Variants in FAM117A observed in about 807,000 individuals in gnomAD.
The protein encoded by FAM117A is protein FAM117A.
Under a neutral mutation model 44.1 loss-of-function variants are expected in FAM117A, and 21 were observed. The ratio of observed to expected loss-of-function variants is 0.48; its 90% CI spans 0.34 to 0.69. FAM117A has a LOEUF of 0.69. Ranked by LOEUF, FAM117A falls within the 30% of genes least tolerant of loss-of-function variation. The probability of loss-of-function intolerance (pLI) is 0.01; values close to 1 mark genes in which losing one functional copy is unlikely to be tolerated. For synonymous variants in FAM117A, 220 were observed against 238.3 expected, an observed-to-expected ratio of 0.92 and a Z score of 0.71; for missense variants, 498 against 589.9, an observed-to-expected ratio of 0.84 and a Z score of 1.61.
At chr17:49,764,264 T>G, upstream of FAM117A, 1 of 364,548 alleles carries the variant, frequency 2.7e-6, no homozygotes. Flanking sequence ...AGCCTTCCCT[T>G]TCCTGAGGAT....
intron 1 of FAM117A, among the ~76,000 whole-genome samples, chr17:49,780,831 G>GTTCTGCCTTTTCT (rs1163646466): frequency 6.6e-6 from 1 of 152,088 alleles, no homozygotes; most frequent in Non-Finnish European, 1.5e-5. Context: ...TGAAGCAAAC[G>GTTCTGCCTTTTCT]TTCTGCCTTT....
intron 1 of FAM117A, among the ~76,000 whole-genome samples, chr17:49,751,428 A>T (rs2073676932): frequency 6.6e-6 from 1 of 151,710 alleles, no homozygotes; most frequent in African/African-American, 2.4e-5. Flanking sequence ...AGAAATACAA[A>T]AATTAGCTGG....
rs374256126 is a variant in FAM117A, at chr17:49,711,450, G to A, written c.1167C>T (p.Pro389=). 30 of 1,613,920 alleles carry A rather than the reference G, an allele frequency of 1.9e-5. No homozygotes were observed. The African/African-American group carries it at 3.3e-4, about 18-fold the overall frequency. The change falls in exon 8 of 8, where the codon CCC becomes CCT. Residue 389 remains proline (P), a synonymous_variant. Coordinates refer to ENST00000240364, the MANE Select transcript of FAM117A (RefSeq NM_030802.4). ...SAFCPVNLMK[P]LFPGMGFIFR... ...AGATGAAGCCCATGCCGGGGAAGAG[G>A]GGCTTCATCAGGTTGACGGGGCAGA...
intron 7 of FAM117A, among the ~76,000 whole-genome samples, chr17:49,712,023 G>A (rs114349233): frequency 0.02 from 3,118 of 152,312 alleles, 77 homozygotes; most frequent in East Asian, 0.06. Flanking sequence ...GCATGCTCCT[G>A]TAATCCTAGC....
intron 2 of FAM117A, among the ~76,000 whole-genome samples, chr17:49,731,137 GGT>G (rs1477405358): frequency 2.0e-5 from 3 of 152,200 alleles, no homozygotes; most frequent in Non-Finnish European, 4.4e-5. Flanking sequence ...GACATGATGT[GGT>G]CAGAAGAGGT....
At chr17:49,719,718 G>A in intron 5 of FAM117A, 42 bp downstream of exon 5, 1 of 1,510,500 alleles carries the variant, frequency 6.6e-7, no homozygotes, top group Non-Finnish European at 8.8e-7. Flanking sequence ...GGCCAAGTGA[G>A]GCACGGACTG....
intron 3 of FAM117A, among the ~76,000 whole-genome samples, chr17:49,721,229 T>C (rs2073532800): frequency 6.6e-6 from 1 of 152,202 alleles, no homozygotes; most frequent in Admixed American, 6.5e-5. Context: ...CAGATTATCA[T>C]CAACAGTTTT....
At chr17:49,747,951 C>T (rs1255586530) in intron 1 of FAM117A, among the ~76,000 whole-genome samples, 1 of 152,158 alleles carries the variant, frequency 6.6e-6, no homozygotes, top group Non-Finnish European at 1.5e-5. Context: ...GATTAGATGG[C>T]CCTTCCAGAA....
At chr17:49,721,055 G>A (rs995689850) in intron 3 of FAM117A, among the ~76,000 whole-genome samples, 1 of 152,128 alleles carries the variant, frequency 6.6e-6, no homozygotes, top group Non-Finnish European at 1.5e-5. Context: ...GTTTCTGAAT[G>A]CTAAGGACAT....
intron 1 of FAM117A, among the ~76,000 whole-genome samples, chr17:49,733,665 T>A (rs928980855): frequency 1.3e-5 from 2 of 152,062 alleles, no homozygotes; most frequent in African/African-American, 2.4e-5. Flanking sequence ...AGAGGAAGAC[T>A]CTGTCTCAAA....
Position 49,719,751 on chromosome 17 carries a change from G to A in FAM117A, c.708+9C>T, listed in dbSNP as rs199630851. 1.3e-5 allele frequency: 20 copies of A among 1,558,522 alleles called. No individual in the cohort carries two copies. Among genetic ancestry groups the A allele is most frequent in the Middle Eastern group, 1.7e-4 (1 of 5,810 alleles). ...CTGTGGGTGCACTCAGGGTGCAGCC[G>A]CCACTCACCCTCAGCAGCTCCTCTT... On this transcript the variant is annotated intron_variant, in intron 5 of 7. Coordinates refer to ENST00000240364, the MANE Select transcript of FAM117A (RefSeq NM_030802.4).
intron 1 of FAM117A, among the ~76,000 whole-genome samples, chr17:49,781,854 G>T (rs936449169): frequency 5.3e-5 from 8 of 152,112 alleles, no homozygotes; most frequent in Non-Finnish European, 1.2e-4. Flanking sequence ...GCATGTGCCT[G>T]TAGTCACAGC....
chr17:49,751,211 C>T (rs986280211), intron 1 of FAM117A, among the ~76,000 whole-genome samples: 1 of 140,708 alleles, frequency 7.1e-6, no homozygotes, highest in African/African-American at 2.7e-5. Flanking sequence ...ACCCAGGAGG[C>T]GGAAGTTGCA....
intron 1 of FAM117A, among the ~76,000 whole-genome samples, chr17:49,746,907 G>GTA (rs550576119): frequency 2.4e-4 from 36 of 152,264 alleles, no homozygotes; most frequent in African/African-American, 8.2e-4. Context: ...ATAAAAGGTT[G>GTA]AATGAGGGTG....
At chr17:49,783,716 C>G (rs1271357588) in intron 1 of FAM117A, among the ~76,000 whole-genome samples, 1 of 152,202 alleles carries the variant, frequency 6.6e-6, no homozygotes, top group Non-Finnish European at 1.5e-5. Flanking sequence ...ACGGTCACAT[C>G]AGCAACCTCT....
chr17:49,737,796 C>G (rs1196902432), intron 1 of FAM117A, among the ~76,000 whole-genome samples: 1 of 152,228 alleles, frequency 6.6e-6, no homozygotes, highest in East Asian at 1.9e-4. Context: ...AGCTTAGTCT[C>G]TGATTAGACT....
intron 1 of FAM117A, among the ~76,000 whole-genome samples, chr17:49,747,609 C>T (rs879095531): frequency 3.9e-5 from 6 of 152,160 alleles, no homozygotes; most frequent in Admixed American, 2.6e-4. Flanking sequence ...CCATCTCAAC[C>T]CACTTGCAGA....
At chr17:49,782,376 C>CAAAAAA (rs1193854249) in intron 1 of FAM117A, among the ~76,000 whole-genome samples, 5 of 18,110 alleles carry the variant, frequency 2.8e-4, no homozygotes, top group East Asian at 1.5e-3. Flanking sequence ...GACTCCGTCT[C>CAAAAAA]AAAAAAAAAA....
chr17:49,730,735 C>T (rs1196943478), intron 2 of FAM117A, among the ~76,000 whole-genome samples: 2 of 152,196 alleles, frequency 1.3e-5, no homozygotes, highest in Non-Finnish European at 2.9e-5. Context: ...TTGCCTTTTC[C>T]AAAGGATAAA....
Sources: gnomAD v4.1 joint callset for allele counts (sites outside exome capture counted in the v4.1 genomes callset) on GRCh38, gnomAD v4.1.1 for gene constraint, MANE v1.5 for transcripts, NCBI Gene and HGNC (gene_info 2026-07-23, HGNC 2026-07-21) for gene names.